Variants in CMTM8 observed in about 807,000 individuals in gnomAD.
CMTM8 encodes CKLF like MARVEL transmembrane domain containing 8.
Under a neutral mutation model 18.6 loss-of-function variants are expected in CMTM8, and 12 were observed. That is an observed-to-expected ratio of 0.65 (90% CI 0.41 to 1.05). The LOEUF (loss-of-function observed/expected upper bound fraction) is 1.05. Among genes scored for constraint, CMTM8 ranks in the 50% least tolerant of loss-of-function variants. The pLI, the probability that CMTM8 is intolerant of heterozygous loss-of-function variation, is 0.00. For synonymous variants in CMTM8, 87 were observed against 90.6 expected (o/e 0.96, Z 0.23); for missense variants, 217 against 227.2 (o/e 0.95, Z 0.29).
intron 1 of CMTM8, among the ~76,000 whole-genome samples, chr3:32,352,204 CAAAA>C (rs754856970): frequency 1.5e-5 from 1 of 65,912 alleles, no homozygotes. Flanking sequence ...CACACACTCA[CAAAA>C]AAAAAAAAAA....
At chr3:32,308,650 G>A (rs1374233358) in intron 1 of CMTM8, among the ~76,000 whole-genome samples, 3 of 152,116 alleles carry the variant, frequency 2.0e-5, no homozygotes, top group Admixed American at 6.5e-5. Flanking sequence ...ATCATGATGA[G>A]GATTAAATAA....
At chr3:32,361,835 G>A (rs953785509) in intron 2 of CMTM8, among the ~76,000 whole-genome samples, 20 of 152,028 alleles carry the variant, frequency 1.3e-4, no homozygotes, top group African/African-American at 4.6e-4. Context: ...ACTTGGATAG[G>A]TTTTCCAACA....
chr3:32,258,424 A>G (rs538803929), intron 1 of CMTM8, among the ~76,000 whole-genome samples: 9 of 152,338 alleles, frequency 5.9e-5, no homozygotes, highest in African/African-American at 2.2e-4. Flanking sequence ...TTTTGAACAT[A>G]TATAAGGAAT....
At chr3:32,336,795 TC>T (rs1382175020) in intron 1 of CMTM8, among the ~76,000 whole-genome samples, 1 of 151,450 alleles carries the variant, frequency 6.6e-6, no homozygotes, top group Non-Finnish European at 1.5e-5. Context: ...TTTTTTCTTC[TC>T]CTCTTTGCCT....
intron 1 of CMTM8, among the ~76,000 whole-genome samples, chr3:32,346,625 T>G (rs1039709890): frequency 2.0e-5 from 3 of 152,078 alleles, no homozygotes; most frequent in Non-Finnish European, 4.4e-5. Context: ...TTGGTGTCCC[T>G]TTTTATAAGG....
intron 1 of CMTM8, among the ~76,000 whole-genome samples, chr3:32,317,956 G>A (rs1695961946): frequency 6.6e-6 from 1 of 151,494 alleles, no homozygotes; most frequent in African/African-American, 2.4e-5. Context: ...TTGGGAGGCT[G>A]GGTCAGGAGA....
intron 1 of CMTM8, among the ~76,000 whole-genome samples, chr3:32,338,207 C>T (rs889682377): frequency 2.6e-5 from 4 of 152,050 alleles, no homozygotes; most frequent in Non-Finnish European, 5.9e-5. Flanking sequence ...TGGTCTCGAT[C>T]TCTTGACCTT....
At chr3:32,256,308 A>T (rs1702173932) in intron 1 of CMTM8, among the ~76,000 whole-genome samples, 1 of 152,046 alleles carries the variant, frequency 6.6e-6, no homozygotes, top group Non-Finnish European at 1.5e-5. Context: ...GGGCTCAAGG[A>T]AGCCTTCTGC....
At chr3:32,298,981 C>A in intron 1 of CMTM8, among the ~76,000 whole-genome samples, 1 of 136,802 alleles carries the variant, frequency 7.3e-6, no homozygotes, top group Admixed American at 7.5e-5. Context: ...AGACAGGGGT[C>A]CAGGCTATGT....
intron 1 of CMTM8, among the ~76,000 whole-genome samples, chr3:32,261,931 T>C (rs902710079): frequency 6.6e-6 from 1 of 152,194 alleles, no homozygotes; most frequent in African/African-American, 2.4e-5. Flanking sequence ...CAATCTACTG[T>C]AGCTGGTTGA....
intron 3 of CMTM8, 85 bp downstream of exon 3, chr3:32,368,073 G>A: frequency 1.1e-6 from 1 of 923,176 alleles, no homozygotes; most frequent in Non-Finnish European, 1.8e-6. Flanking sequence ...TCATCTGCAG[G>A]AAAAAGCAGC....
intron 1 of CMTM8, among the ~76,000 whole-genome samples, chr3:32,343,552 T>C (rs1696539734): frequency 1.3e-5 from 2 of 152,224 alleles, no homozygotes; most frequent in Non-Finnish European, 2.9e-5. Context: ...CAGACTTGGT[T>C]GTGTCCTTGT....
intron 2 of CMTM8, among the ~76,000 whole-genome samples, chr3:32,364,001 C>T (rs569920406): frequency 1.8e-4 from 27 of 152,318 alleles, no homozygotes; most frequent in Non-Finnish European, 3.4e-4. Context: ...GTCTCTTCCA[C>T]CAATGTGTGG....
intron 1 of CMTM8, among the ~76,000 whole-genome samples, chr3:32,279,923 T>C (rs944299170): frequency 2.6e-5 from 4 of 151,316 alleles, no homozygotes; most frequent in Admixed American, 2.0e-4. Context: ...ATTTCTCTGA[T>C]GGCCAGTGAT....
intron 1 of CMTM8, among the ~76,000 whole-genome samples, chr3:32,248,383 A>G (rs909731363): frequency 1.3e-5 from 2 of 151,930 alleles, no homozygotes; most frequent in South Asian, 2.1e-4. Flanking sequence ...TTTTTTTGAC[A>G]CACAGTCTCA....
At chr3:32,241,828 C>G (rs1037206932) in intron 1 of CMTM8, among the ~76,000 whole-genome samples, 3 of 152,224 alleles carry the variant, frequency 2.0e-5, no homozygotes, top group Non-Finnish European at 4.4e-5. Flanking sequence ...CTTTTCCTTT[C>G]CTGCCCAATT....
intron 1 of CMTM8, among the ~76,000 whole-genome samples, chr3:32,301,368 C>CCGTA (rs144839110): frequency 0.055 from 8,289 of 151,530 alleles, 732 homozygotes; most frequent in African/African-American, 0.19. Context: ...ACTTTGACAG[C>CCGTA]TGTATATATA....
intron 1 of CMTM8, among the ~76,000 whole-genome samples, chr3:32,349,798 A>G (rs759057419): frequency 2.0e-5 from 3 of 152,152 alleles, no homozygotes; most frequent in Non-Finnish European, 4.4e-5. Flanking sequence ...ACTGGAGGTC[A>G]GGAGTTCGAG....
intron 1 of CMTM8, among the ~76,000 whole-genome samples, chr3:32,266,592 A>C (rs985809464): frequency 1.3e-5 from 2 of 152,202 alleles, no homozygotes; most frequent in Non-Finnish European, 2.9e-5. Context: ...TAGTGTTGGA[A>C]GTTCTGGCCA....
Sources: gnomAD v4.1 joint callset for allele counts (sites outside exome capture counted in the v4.1 genomes callset) on GRCh38, gnomAD v4.1.1 for gene constraint, MANE v1.5 for transcripts, NCBI Gene and HGNC (gene_info 2026-07-23, HGNC 2026-07-21) for gene names.